Variants in YLPM1 observed in about 807,000 individuals in gnomAD.
YLPM1 encodes the protein YLP motif-containing protein 1.
In YLPM1, 99 loss-of-function variants were observed where a neutral mutation model predicts 230.0. The ratio of observed to expected loss-of-function variants is 0.43; its 90% CI spans 0.37 to 0.51. The LOEUF (loss-of-function observed/expected upper bound fraction) is 0.51. Among genes scored for constraint, YLPM1 ranks in the 20% least tolerant of loss-of-function variants. The pLI is 0.00. For missense variants in YLPM1, 2,592 were observed against 2,707.7 expected (o/e 0.96, Z 0.95); for synonymous variants, 984 against 942.5 (o/e 1.04, Z -0.81).
At chr14:74,833,758 C>T (rs1476094161) in intron 19 of YLPM1, among the ~76,000 whole-genome samples, 6 of 152,188 alleles carry the variant, frequency 3.9e-5, no homozygotes, top group Admixed American at 2.0e-4. Context: ...TACTTTGGCT[C>T]CTCCCTTTGA....
Position 74,769,259 on chromosome 14 carries a change from CTTTTTTTTTTTTTT to C in YLPM1, c.873+4913_873+4926del, listed in dbSNP as rs34023289. On this transcript the variant is annotated intron_variant, in intron 1 of 20. Coordinates refer to ENST00000325680, the MANE Select transcript of YLPM1 (RefSeq NM_019589.3). ...CCGGCTAATTTTTTTGTATTTTTAT[CTTTTTTTTTTTTTT>C]TTTTTTTTTTTTTTTGGAGACGAAG... is the stretch of plus-strand genomic sequence containing the variant. 1.3e-4 allele frequency among the ~76,000 whole-genome samples: 5 copies of C among 38,410 alleles called. 1 individual carries two copies. The highest frequency in any genetic ancestry group is 2.3e-3 in the East Asian group (2 of 868). 25.2% of individuals were successfully genotyped at this position (38,410 alleles called of 152,430 possible).
At position 74,773,010 on chromosome 14, in the gene YLPM1, G is replaced by A. The variant is rs576153347; in HGVS notation, c.874-5437G>A. On this transcript the variant is annotated intron_variant, in intron 1 of 20. Coordinates refer to ENST00000325680, the MANE Select transcript of YLPM1 (RefSeq NM_019589.3). Reference sequence around the variant, plus strand: ...ATAGAAATTGACCTACAAGGCGGCCGGGCACGGTGGCTCACGCCTGTAATC... The same window carrying A: ...ATAGAAATTGACCTACAAGGCGGCCAGGCACGGTGGCTCACGCCTGTAATC... Among the ~76,000 whole-genome samples, 5 of 151,244 alleles carry A rather than the reference G, an allele frequency of 3.3e-5. No individual in the cohort carries two copies. The South Asian group carries it at 6.3e-4, about 19-fold the overall frequency.
intron 4 of YLPM1, among the ~76,000 whole-genome samples, chr14:74,794,793 A>T (rs891699792): frequency 2.0e-5 from 3 of 152,214 alleles, no homozygotes; most frequent in African/African-American, 7.2e-5. Flanking sequence ...ACACATATTT[A>T]AACACAAATA....
chr14:74,767,722 G>T (rs2090927530), intron 1 of YLPM1, among the ~76,000 whole-genome samples: 2 of 152,062 alleles, frequency 1.3e-5, no homozygotes, highest in African/African-American at 4.8e-5. Context: ...TGAACTTGAT[G>T]AAAAATCTGT....
chr14:74,799,715 G>T lies in YLPM1; in HGVS notation c.4400+18G>T. ...ATGCTTCGGTAAGTTGACTCCTTCA[G>T]ATCCTTTCTTTTAATAAAAACCACA... On this transcript the variant is annotated intron_variant, in intron 5 of 20. Transcript: ENST00000325680. 1 of 1,574,090 alleles carries T rather than the reference G, an allele frequency of 6.4e-7. No homozygotes were observed. The highest frequency in any genetic ancestry group is 8.6e-7 in the Non-Finnish European group (1 of 1,159,876).
At chr14:74,790,948 A>C (rs191548951) in intron 4 of YLPM1, among the ~76,000 whole-genome samples, 34 of 152,320 alleles carry the variant, frequency 2.2e-4, no homozygotes, top group African/African-American at 8.2e-4. Flanking sequence ...GAAAATTTGA[A>C]AGTCCAGTAA....
Position 74,798,940 on chromosome 14 carries a change from C to G in YLPM1, c.3643C>G (p.Arg1215Gly). 6.2e-7 allele frequency: 1 copy of G among 1,613,698 alleles called. No homozygotes were observed. Among genetic ancestry groups the G allele is most frequent in the Non-Finnish European group, 8.5e-7 (1 of 1,179,770 alleles). ...PLDGRNAPMERERLDDWDRER... is the reference protein window; with the variant it reads ...PLDGRNAPMEGERLDDWDRER... ...AGATGGTAGAAATGCTCCAATGGAA[C>G]GAGAAAGACTCGATGACTGGGATAG... The change falls in exon 5 of 21, where the codon CGA becomes GGA. Residue 1215 changes from arginine (R) to glycine (G), a missense_variant. Physicochemically the swap from Arg to Gly is moderately radical, Grantham distance 125 (BLOSUM62 -2). This residue lies in a region of YLPM1 where 1,862 missense variants were observed against 1,819.8 expected (regional missense o/e 1.02). Coordinates refer to ENST00000325680, the MANE Select transcript of YLPM1 (RefSeq NM_019589.3).
chr14:74,804,633 A>G (rs1240511963), intron 6 of YLPM1, among the ~76,000 whole-genome samples: 4 of 152,240 alleles, frequency 2.6e-5, no homozygotes, highest in East Asian at 1.9e-4. Flanking sequence ...TCTTCCACCT[A>G]TGTAGGGCAA....
chr14:74,763,975 G>C lies in YLPM1; in HGVS notation c.486G>C (p.Gln162His). ...CTGGGTCCTATATGCCCCCATCTCA[G>C]TCTTACATGCCCCCACCTCAGCCGC... ...VPPGSYMPPS[Q>H]SYMPPPQPPP... Residue 162 changes from glutamine (Q) to histidine (H), a missense_variant, in exon 1 of 21, where the codon CAG becomes CAC. Physicochemically the swap from Gln to His is conservative, Grantham distance 24. Transcript: ENST00000325680. 1 of 1,541,708 alleles carries C rather than the reference G, an allele frequency of 6.5e-7. No individual in the cohort carries two copies. The highest frequency in any genetic ancestry group is 1.2e-5 in the South Asian group (1 of 84,370).
intron 17 of YLPM1, 50 bp downstream of exon 17, chr14:74,821,187 TAAA>T: frequency 6.6e-7 from 1 of 1,512,844 alleles, no homozygotes; most frequent in Non-Finnish European, 8.8e-7. Flanking sequence ...TTAAAATTCT[TAAA>T]GAAGGTTTAA....
chr14:74,789,705 A>C (rs2140099191), intron 4 of YLPM1, among the ~76,000 whole-genome samples: 1 of 149,900 alleles, frequency 6.7e-6, no homozygotes, highest in African/African-American at 2.5e-5. Flanking sequence ...ACAACTCATT[A>C]CAACTTTGAC....
At position 74,797,728 on chromosome 14, in the gene YLPM1, A is replaced by G. The variant is rs200333188; in HGVS notation, c.2431A>G (p.Met811Val). 880 of 1,613,724 alleles carry G rather than the reference A, an allele frequency of 5.5e-4. 1 individual carries two copies. Among genetic ancestry groups the G allele is most frequent in the Middle Eastern group, 1.3e-3 (8 of 6,060 alleles). Residue 811 changes from methionine (M) to valine (V), a missense_variant, in exon 5 of 21, where the codon ATG becomes GTG. Coordinates refer to ENST00000325680, the MANE Select transcript of YLPM1 (RefSeq NM_019589.3). ...AGAGGGCACTAAAAGCAAGTGGGGAATGATTCCCCGGGGGCCAGCATCTCA... is the reference window on the plus strand; with the variant it reads ...AGAGGGCACTAAAAGCAAGTGGGGAGTGATTCCCCGGGGGCCAGCATCTCA... ...PAEGTKSKWG[M>V]IPRGPASQFY... is the part of the protein sequence containing the mutation.
chr14:74,786,361 C>T (rs1185922216), intron 4 of YLPM1, among the ~76,000 whole-genome samples: 2 of 80,208 alleles, frequency 2.5e-5, no homozygotes, highest in Non-Finnish European at 4.7e-5. Flanking sequence ...GACTCCGTCT[C>T]AAAAAAAAAA....
At chr14:74,767,045 G>A (rs1330469630) in intron 1 of YLPM1, among the ~76,000 whole-genome samples, 1 of 151,370 alleles carries the variant, frequency 6.6e-6, no homozygotes, top group Admixed American at 6.6e-5. Context: ...CACCACGCCT[G>A]GCTAATTTTT....
intron 19 of YLPM1, among the ~76,000 whole-genome samples, chr14:74,829,883 T>C (rs1168433240): frequency 2.6e-5 from 4 of 152,200 alleles, no homozygotes; most frequent in African/African-American, 9.7e-5. Context: ...TAAGTGAAAA[T>C]GTCAAAATGA....
At position 74,791,720 on chromosome 14, in the gene YLPM1, C is replaced by G. The variant is rs116609006; in HGVS notation, c.2283-5860C>G. ...TCTAATTGTTGAGTTAATTGTCTCACTCTTCCTGTGGACAGTGAACTCCTT... is the reference window on the plus strand; with the variant it reads ...TCTAATTGTTGAGTTAATTGTCTCAGTCTTCCTGTGGACAGTGAACTCCTT... On this transcript the variant is annotated intron_variant, in intron 4 of 20. Coordinates refer to ENST00000325680, the MANE Select transcript of YLPM1 (RefSeq NM_019589.3). Among the ~76,000 whole-genome samples, 759 of 152,348 alleles carry G rather than the reference C, an allele frequency of 5.0e-3. 6 individuals are homozygous for G. The highest frequency in any genetic ancestry group is 0.017 in the African/African-American group (727 of 41,568).
intron 10 of YLPM1, 45 bp downstream of exon 10, chr14:74,811,783 G>A (rs1355116371): frequency 7.6e-7 from 1 of 1,312,310 alleles, no homozygotes; most frequent in Non-Finnish European, 1.0e-6. Context: ...AGAATGTAAA[G>A]CATGGGAGAT....
intron 17 of YLPM1, chr14:74,821,960 A>G (rs552987915): frequency 6.6e-6 from 1 of 151,978 alleles, no homozygotes; most frequent in Non-Finnish European, 1.5e-5. Context: ...TCTGATTCCT[A>G]CCCCCTAGAG....
intron 3 of YLPM1, 73 bp from the exon 4 acceptor site, chr14:74,781,261 C>G (rs2091088830): frequency 1.4e-6 from 2 of 1,426,398 alleles, no homozygotes; most frequent in African/African-American, 1.4e-5. Context: ...GCCCTTGATT[C>G]ATTAATATTT....
Sources: allele counts gnomAD v4.1 joint callset (sites outside exome capture counted in the v4.1 genomes callset), GRCh38; gene constraint gnomAD v4.1.1; regional missense constraint gnomAD v4.1.1; transcripts MANE v1.5; gene names NCBI Gene and HGNC (gene_info 2026-07-23, HGNC 2026-07-21).